LRRK2: variants seen among roughly 807,000 people sequenced by gnomAD.
LRRK2 encodes leucine-rich repeat serine/threonine-protein kinase 2.
A neutral mutation model predicts 302.6 loss-of-function variants in LRRK2; 203 were observed. That is an observed-to-expected ratio of 0.67 (90% confidence interval 0.60 to 0.75). LRRK2 has a LOEUF of 0.75. Among genes scored for constraint, LRRK2 ranks in the 30% least tolerant of loss-of-function variants. The pLI is 0.00. For synonymous variants in LRRK2, 1,066 were observed against 1,031.9 expected (o/e 1.03, Z -0.63); for missense variants, 2,830 against 2,951.0 (o/e 0.96, Z 0.95).
chr12:40,351,942 G>A (rs899939788), intron 44 of LRRK2, among the ~76,000 whole-genome samples: 1 of 152,142 alleles, frequency 6.6e-6, no homozygotes, highest in African/African-American at 2.4e-5. Flanking sequence ...GCCTGAGATG[G>A]GTTATCTTGC....
Position 40,351,679 on chromosome 12 carries a change from C to A in LRRK2, c.6522C>A (p.Thr2174=). The A allele has an allele frequency of 5.6e-6, 9 of 1,614,074 alleles. No homozygotes were observed. The highest frequency in any genetic ancestry group is 7.6e-6 in the Non-Finnish European group (9 of 1,180,020). Residue 2174 remains threonine (T), a synonymous_variant, in exon 44 of 51, where the codon ACC becomes ACA. Transcript: ENST00000298910. ...GCATTTGGCTGGGCTGTGGGCACAC[C>A]GACAGAGGACAGCTCTCATTTCTTG... The part of the protein sequence containing the change: ...NASIWLGCGH[T]DRGQLSFLDL...
At chr12:40,235,586 G>T in intron 3 of LRRK2, 40 bp from the exon 4 acceptor site, 2 of 1,345,948 alleles carry the variant, frequency 1.5e-6, no homozygotes. Flanking sequence ...TTTTGAGTAT[G>T]ATATTTCATT....
intron 47 of LRRK2, among the ~76,000 whole-genome samples, chr12:40,362,462 T>A (rs1302112013): frequency 1.3e-5 from 2 of 152,072 alleles, no homozygotes; most frequent in African/African-American, 4.8e-5. Flanking sequence ...TCAGAGGTGC[T>A]TATCTGTGCA....
At chr12:40,228,433 C>CTTTTTTTTTTTTTTTTTTTTTTTTTTTTT (rs35333613) in intron 2 of LRRK2, among the ~76,000 whole-genome samples, 2 of 19,314 alleles carry the variant, frequency 1.0e-4, no homozygotes, top group Admixed American at 6.4e-4. Context: ...AAAAATAAGA[C>CTTTTTTTTTTTTTTTTTTTTTTTTTTTTT]TTTTTTTTTT....
chr12:40,313,621 C>T (rs1327760152), intron 31 of LRRK2, among the ~76,000 whole-genome samples: 2 of 151,780 alleles, frequency 1.3e-5, no homozygotes, highest in African/African-American at 2.4e-5. Flanking sequence ...ACTAGCGTGT[C>T]TGTTTCACAT....
intron 44 of LRRK2, among the ~76,000 whole-genome samples, chr12:40,353,545 G>A (rs1313582892): frequency 1.3e-5 from 2 of 151,060 alleles, no homozygotes; most frequent in South Asian, 2.1e-4. Flanking sequence ...GACGATGGGC[G>A]GCCAGGCAGA....
At position 40,354,500 on chromosome 12, in the gene LRRK2, A is replaced by G; in HGVS notation, c.6770+8A>G. 2 of 1,612,070 alleles carry G rather than the reference A, an allele frequency of 1.2e-6. No individual in the cohort carries two copies. The highest frequency in any genetic ancestry group is 4.5e-5 in the East Asian group (2 of 44,864). ...TTCCTTTTCCAAGCAAAGGTATGGT[A>G]GTGAATTTGATCAATGGGGAAATTA... On this transcript the variant is annotated splice_region_variant and intron_variant, in intron 45 of 50. Coordinates refer to ENST00000298910, the MANE Select transcript of LRRK2 (RefSeq NM_198578.4).
chr12:40,352,485 A>G (rs367941524), intron 44 of LRRK2, among the ~76,000 whole-genome samples: 138 of 20,588 alleles, frequency 6.7e-3, no homozygotes, highest in Non-Finnish European at 0.015. Context: ...TTTTTAATTG[A>G]TCATTCTTGG....
Position 40,335,116 on chromosome 12 carries a change from C to T in LRRK2, c.5907C>T (p.Thr1969=). The T allele has an allele frequency of 1.2e-6, 2 of 1,614,006 alleles. No individual in the cohort carries two copies. Among genetic ancestry groups the T allele is most frequent in the East Asian group, 2.2e-5 (1 of 44,878 alleles). The stretch of plus-strand genomic sequence containing the variant: ...AGGACAAAGCCAGCCTCACTAGAAC[C>T]CTACAGCACAGGATTGCACTCCACG... ...LQQDKASLTR[T]LQHRIALHVA... is the part of the protein sequence containing the mutation. The change falls in exon 40 of 51, where the codon ACC becomes ACT. Residue 1969 remains threonine (T), a synonymous_variant. Coordinates refer to ENST00000298910, the MANE Select transcript of LRRK2 (RefSeq NM_198578.4).
chr12:40,367,510 A>G, intron 50 of LRRK2, 134 bp from the exon 51 acceptor site: 1 of 673,076 alleles, frequency 1.5e-6, no homozygotes, highest in Non-Finnish European at 2.3e-6. Context: ...ATAATAATTT[A>G]GTACATTAGT....
chr12:40,351,578 A>G lies in LRRK2; in HGVS notation c.6421A>G (p.Thr2141Ala), dbSNP rs1457039350. 1 of 1,614,066 alleles carries G rather than the reference A, an allele frequency of 6.2e-7. No homozygotes were observed. The highest frequency in any genetic ancestry group is 2.2e-5 in the East Asian group (1 of 44,890). ...ILNSAELVCLTRRILLPKNVI... is the reference protein window; with the variant it reads ...ILNSAELVCLARRILLPKNVI... ...GAATTCAGCTGAATTAGTCTGTCTG[A>G]CGAGACGCATTTTATTACCTAAAAA... The change falls in exon 44 of 51, where the codon ACG (threonine) becomes GCG (alanine). Residue 2141 changes from threonine (T) to alanine (A), a missense_variant. Thr to Ala is a moderately conservative substitution (Grantham distance 58). Around this residue, in one of 3 missense-constraint regions of LRRK2, gnomAD observed 456 missense variants for 456.3 expected, o/e 1.00. Coordinates refer to ENST00000298910, the MANE Select transcript of LRRK2 (RefSeq NM_198578.4).
In LRRK2 at chr12:40,257,328, G is replaced by A; in HGVS notation, c.1369G>A (p.Glu457Lys). ...AATGCAGAAGCATATACATTCTCCT[G>A]AAGTGGCTGAAAGTGGCTGTAAAAT... ...ELMQKHIHSP[E>K]VAESGCKMLN... Residue 457 changes from glutamate to lysine, a missense_variant, in exon 12 of 51, where the codon GAA becomes AAA. Glu to Lys is a moderately conservative substitution (Grantham distance 56). Coordinates refer to ENST00000298910, the MANE Select transcript of LRRK2 (RefSeq NM_198578.4). 1.2e-6 allele frequency: 2 copies of A among 1,612,706 alleles called. No individual in the cohort carries two copies. The highest frequency in any genetic ancestry group is 1.1e-5 in the South Asian group (1 of 91,052).
At position 40,287,363 on chromosome 12, in the gene LRRK2, C is replaced by T; in HGVS notation, c.2513C>T (p.Thr838Ile). The change falls in exon 20 of 51, where the codon ACA (threonine) becomes ATA (isoleucine). Residue 838 changes from threonine to isoleucine, a missense_variant. Around this residue, in one of 3 missense-constraint regions of LRRK2, gnomAD observed 2,121 missense variants for 2,148.0 expected, o/e 0.99. Transcript: ENST00000298910. ...NLRKQTNIAS[T>I]LARMVIRYQM... is the part of the protein sequence containing the mutation. ...CTCTTATTTTCAGATATAGCATCTA[C>T]ACTAGCAAGAATGGTGATCAGATAT... is the stretch of plus-strand genomic sequence containing the variant. 8.7e-6 allele frequency: 14 copies of T among 1,611,938 alleles called. No individual in the cohort carries two copies. The highest frequency in any genetic ancestry group is 1.2e-5 in the Non-Finnish European group (14 of 1,178,682).
chr12:40,319,454 C>T (rs543069085), intron 33 of LRRK2, among the ~76,000 whole-genome samples: 2 of 152,148 alleles, frequency 1.3e-5, no homozygotes, highest in East Asian at 3.9e-4. Context: ...ATTCTCAGGC[C>T]TCAACCCAGA....
chr12:40,354,847 T>A (rs199776304), intron 45 of LRRK2, among the ~76,000 whole-genome samples: 1,843 of 11,840 alleles, frequency 0.16, 45 homozygotes, highest in African/African-American at 0.21. Flanking sequence ...AAAAAAAATA[T>A]ATATATATAT....
Position 40,275,938 on chromosome 12 carries a change from G to A in LRRK2, c.1941+945G>A, listed in dbSNP as rs141670826. Among the ~76,000 whole-genome samples, 42 of 152,160 alleles carry A rather than the reference G, an allele frequency of 2.8e-4. No homozygotes were observed. The East Asian group carries it at 5.6e-3, about 20-fold the overall frequency. On this transcript the variant is annotated intron_variant, in intron 16 of 50. Coordinates refer to ENST00000298910, the MANE Select transcript of LRRK2 (RefSeq NM_198578.4). Reference sequence around the variant, plus strand: ...ACTCAGGAAATATTTTTTGTAACTGGCAGCATTGACCAGGAATAAAAATAC... The same window carrying A: ...ACTCAGGAAATATTTTTTGTAACTGACAGCATTGACCAGGAATAAAAATAC...
intron 39 of LRRK2, among the ~76,000 whole-genome samples, chr12:40,333,176 CA>C (rs974882132): frequency 6.6e-6 from 1 of 152,058 alleles, no homozygotes; most frequent in Non-Finnish European, 1.5e-5. Flanking sequence ...TCCTTCTCAT[CA>C]GTTCTAACCA....
intron 41 of LRRK2, among the ~76,000 whole-genome samples, chr12:40,342,456 C>T (rs1172570973): frequency 6.7e-6 from 1 of 149,498 alleles, no homozygotes; most frequent in African/African-American, 2.5e-5. Flanking sequence ...ACTCTTCTCA[C>T]AGGCTGCTTA....
chr12:40,232,246 T>C (rs373375199), intron 2 of LRRK2, 28 bp from the exon 3 acceptor site: 3 of 1,486,776 alleles, frequency 2.0e-6, no homozygotes, highest in South Asian at 2.3e-5. Context: ...CTTTAAAACA[T>C]GTGAATATAT....
Sources: allele counts gnomAD v4.1 joint callset (sites outside exome capture counted in the v4.1 genomes callset), GRCh38; gene constraint gnomAD v4.1.1; regional missense constraint gnomAD v4.1.1; transcripts MANE v1.5; gene names NCBI Gene and HGNC (gene_info 2026-07-23, HGNC 2026-07-21).